The following METTL16 variants were observed in gnomAD, a reference collection of about 807,000 sequenced individuals.
METTL16 encodes methyltransferase 16, RNA N6-adenosine.
In METTL16, 19 loss-of-function variants were observed where a neutral mutation model predicts 57.9. The ratio of observed to expected loss-of-function variants is 0.33; its 90% CI spans 0.23 to 0.48. METTL16 has a LOEUF of 0.48. Ranked by LOEUF, METTL16 falls within the 20% of genes least tolerant of loss-of-function variation. The pLI is 0.99. For missense variants in METTL16, 434 were observed against 691.5 expected, an observed-to-expected ratio of 0.63 and a Z score of 4.18; for synonymous variants, 246 against 255.6, an observed-to-expected ratio of 0.96 and a Z score of 0.36.
chr17:2,424,600 A>G (rs1186822449), intron 8 of METTL16, among the ~76,000 whole-genome samples: 2 of 152,034 alleles, frequency 1.3e-5, no homozygotes, highest in South Asian at 4.1e-4. Context: ...ATGCACACAC[A>G]TCATCTCAGG....
intron 2 of METTL16, among the ~76,000 whole-genome samples, chr17:2,498,004 C>A (rs924937551): frequency 6.6e-6 from 1 of 151,600 alleles, no homozygotes; most frequent in Non-Finnish European, 1.5e-5. Context: ...ACCATCGTGG[C>A]TAACACGGTG....
chr17:2,467,447 A>G (rs1221526258), intron 5 of METTL16, among the ~76,000 whole-genome samples: 1 of 151,826 alleles, frequency 6.6e-6, no homozygotes, highest in African/African-American at 2.4e-5. Context: ...TCTTTTTGAG[A>G]TAGAGTCTTG....
intron 3 of METTL16, among the ~76,000 whole-genome samples, chr17:2,474,183 C>G (rs1010893266): frequency 6.6e-6 from 1 of 152,102 alleles, no homozygotes; most frequent in African/African-American, 2.4e-5. Flanking sequence ...AAAGAGTCTT[C>G]ATTTTAAATC....
intron 4 of METTL16, among the ~76,000 whole-genome samples, chr17:2,469,510 A>G (rs1229457887): frequency 1.3e-5 from 2 of 152,178 alleles, no homozygotes; most frequent in Admixed American, 6.5e-5. Flanking sequence ...TTTCTAGCAC[A>G]GTTCTATGTA....
chr17:2,421,237 C>A (rs1004511885), intron 8 of METTL16, among the ~76,000 whole-genome samples: 5 of 152,152 alleles, frequency 3.3e-5, no homozygotes, highest in African/African-American at 1.2e-4. Flanking sequence ...TGCCTGTGGT[C>A]CCGGCTACTC....
intron 3 of METTL16, 37 bp downstream of exon 3, chr17:2,477,647 GAA>G (rs2067277456): frequency 6.7e-7 from 1 of 1,489,750 alleles, no homozygotes; most frequent in Non-Finnish European, 9.3e-7. Context: ...CAAAACTTAT[GAA>G]AACTGTTTAG....
At chr17:2,441,115 A>C (rs1049191516) in intron 7 of METTL16, among the ~76,000 whole-genome samples, 1 of 152,196 alleles carries the variant, frequency 6.6e-6, no homozygotes, top group Non-Finnish European at 1.5e-5. Flanking sequence ...ATGGAATACT[A>C]TTCAGCCATA....
chr17:2,489,131 T>A (rs895966268), intron 2 of METTL16, among the ~76,000 whole-genome samples: 7 of 151,954 alleles, frequency 4.6e-5, no homozygotes, highest in African/African-American at 9.7e-5. Flanking sequence ...TATTTTTTTT[T>A]ATTTTTTGTA....
Position 2,480,490 on chromosome 17 carries a change from C to T in METTL16, c.129-2605G>A, listed in dbSNP as rs554746999. 1.5e-4 allele frequency among the ~76,000 whole-genome samples: 23 copies of T among 152,234 alleles called. No individual in the cohort carries two copies. In the South Asian group the frequency reaches 4.1e-3, roughly 27 times the overall value. On this transcript the variant is annotated intron_variant, in intron 2 of 9. Coordinates refer to ENST00000263092, the MANE Select transcript of METTL16 (RefSeq NM_024086.4). ...CACAGCCAGAGCCTGGAAGCAATGACGCTCCCATCGCTACGAGCATACCTA... is the reference window on the plus strand; with the variant it reads ...CACAGCCAGAGCCTGGAAGCAATGATGCTCCCATCGCTACGAGCATACCTA...
chr17:2,442,443 T>C lies in METTL16; in HGVS notation c.729-884A>G, dbSNP rs562113493. Among the ~76,000 whole-genome samples the C allele has an allele frequency of 1.1e-3, 165 of 151,652 alleles. 1 individual carries two copies. The highest frequency in any genetic ancestry group is 6.5e-3 in the South Asian group (31 of 4,804). ...TTCAGAGATGCTGACGGAGTTACGA[T>C]TTGTAAAGCAAATTAACAAGAGCAA... On this transcript the variant is annotated intron_variant, in intron 6 of 9. Transcript: ENST00000263092.
chr17:2,446,876 C>T (rs1403517431), intron 6 of METTL16, among the ~76,000 whole-genome samples: 2 of 152,128 alleles, frequency 1.3e-5, no homozygotes, highest in Non-Finnish European at 2.9e-5. Flanking sequence ...GTCTCGTTCA[C>T]TCAGTGCTCA....
intron 8 of METTL16, among the ~76,000 whole-genome samples, chr17:2,421,384 A>T (rs1056260375): frequency 1.3e-5 from 2 of 152,238 alleles, no homozygotes; most frequent in Non-Finnish European, 2.9e-5. Context: ...TAATTAAAAA[A>T]ATAAGAACCC....
intron 1 of METTL16, among the ~76,000 whole-genome samples, chr17:2,507,948 C>T (rs2151582723): frequency 6.6e-6 from 1 of 152,186 alleles, no homozygotes; most frequent in East Asian, 1.9e-4. Context: ...TAAGAGTCAT[C>T]ACCACTCCCT....
At chr17:2,445,868 G>A (rs1477865714) in intron 6 of METTL16, among the ~76,000 whole-genome samples, 2 of 151,520 alleles carry the variant, frequency 1.3e-5, no homozygotes, top group Non-Finnish European at 2.9e-5. Context: ...TAAAATACTA[G>A]TAAATTTAAT....
At chr17:2,491,329 C>T (rs2067387119) in intron 2 of METTL16, among the ~76,000 whole-genome samples, 1 of 152,220 alleles carries the variant, frequency 6.6e-6, no homozygotes, top group Non-Finnish European at 1.5e-5. Flanking sequence ...ATGACTCCTG[C>T]TCTACCACTG....
chr17:2,431,008 T>A (rs576881974), intron 8 of METTL16, among the ~76,000 whole-genome samples: 1 of 151,742 alleles, frequency 6.6e-6, no homozygotes, highest in Non-Finnish European at 1.5e-5. Flanking sequence ...TGCAGTGGTG[T>A]GATCTCAGCT....
intron 8 of METTL16, among the ~76,000 whole-genome samples, chr17:2,435,692 T>C (rs1010170816): frequency 6.7e-6 from 1 of 148,522 alleles, no homozygotes; most frequent in African/African-American, 2.5e-5. Flanking sequence ...AGGAAGACTC[T>C]GGCAGGGGGG....
intron 6 of METTL16, among the ~76,000 whole-genome samples, chr17:2,454,564 T>TA (rs1555617869): frequency 3.5e-5 from 3 of 86,438 alleles, no homozygotes; most frequent in Non-Finnish European, 8.2e-5. Context: ...ATTATTATTA[T>TA]TTTTTTTTTT....
intron 8 of METTL16, among the ~76,000 whole-genome samples, chr17:2,424,675 G>A (rs192521539): frequency 6.0e-4 from 91 of 152,158 alleles, no homozygotes; most frequent in African/African-American, 2.1e-3. Flanking sequence ...CAGGCCAGGC[G>A]CAGTGGCTCA....
Sources: allele counts gnomAD v4.1 joint callset (sites outside exome capture counted in the v4.1 genomes callset), GRCh38; gene constraint gnomAD v4.1.1; transcripts MANE v1.5; gene names NCBI Gene and HGNC (gene_info 2026-07-23, HGNC 2026-07-21).